The following NAV3 variants were observed in gnomAD, a reference collection of about 807,000 sequenced individuals.
NAV3 encodes the protein pore membrane and/or filament interacting like protein 1.
Under a neutral mutation model 244.7 loss-of-function variants are expected in NAV3, and 87 were observed. That is an observed-to-expected ratio of 0.36 (90% confidence interval 0.30 to 0.42). NAV3 has a LOEUF of 0.42. Among genes scored for constraint, NAV3 ranks in the 20% least tolerant of loss-of-function variants. NAV3 has a pLI of 1.00. For missense variants in NAV3, 2,663 were observed against 2,893.3 expected (o/e 0.92, Z 1.83); for synonymous variants, 1,126 against 1,042.2 (o/e 1.08, Z -1.55).
chr12:77,752,255 A>C (rs768670139), intron 2 of NAV3, among the ~76,000 whole-genome samples: 11 of 152,130 alleles, frequency 7.2e-5, no homozygotes, highest in Non-Finnish European at 1.3e-4. Context: ...TCTTTGGTGT[A>C]AAACATAAAA....
At chr12:77,930,484 A>G (rs914300152) in intron 1 of NAV3, among the ~76,000 whole-genome samples, 1 of 151,354 alleles carries the variant, frequency 6.6e-6, no homozygotes, top group Non-Finnish European at 1.5e-5. Context: ...ATCCATCCGT[A>G]TACAATTTTC....
intron 2 of NAV3, among the ~76,000 whole-genome samples, chr12:77,683,922 G>A (rs1337373371): frequency 6.6e-6 from 1 of 151,958 alleles, no homozygotes; most frequent in Non-Finnish European, 1.5e-5. Context: ...AATATTTTGG[G>A]GGACATATGT....
rs773469680 is a variant in NAV3, at chr12:78,177,671, C to T, written c.5349C>T (p.Tyr1783=). 6.3e-7 allele frequency: 1 copy of T among 1,597,274 alleles called. No individual in the cohort carries two copies. Among genetic ancestry groups the T allele is most frequent in the Non-Finnish European group, 8.5e-7 (1 of 1,179,178 alleles). Residue 1783 remains tyrosine (Y), a synonymous_variant, in exon 28 of 40, where the codon TAC becomes TAT. Coordinates refer to ENST00000397909, the MANE Select transcript of NAV3 (RefSeq NM_001024383.2). ...PKKRQNGPVI[Y]KHRSRICECT... Reference sequence around the variant, plus strand: ...AACGACAAAATGGCCCTGTGATCTACAAGCATAGATCTCGGTAAAGTGGAG... The same window carrying T: ...AACGACAAAATGGCCCTGTGATCTATAAGCATAGATCTCGGTAAAGTGGAG...
intron 38 of NAV3, 37 bp from the exon 39 acceptor site, chr12:78,204,898 A>G (rs2140084930): frequency 1.3e-6 from 2 of 1,594,142 alleles, no homozygotes; most frequent in Non-Finnish European, 1.7e-6. Context: ...ATAGAAATGC[A>G]TTTTATATAT....
chr12:77,816,276 A>G (rs181876255), intron 2 of NAV3, among the ~76,000 whole-genome samples: 27 of 152,312 alleles, frequency 1.8e-4, no homozygotes, highest in Admixed American at 5.9e-4. Flanking sequence ...AGATATGATC[A>G]ATGTGTAAAT....
At position 78,122,359 on chromosome 12, in the gene NAV3, C is replaced by A. The variant is rs773150543; in HGVS notation, c.4169C>A (p.Thr1390Asn). ...LSHHGSLSGL[T>N]TGTHEVQSLL... ...CATCATGGCTCCTTGTCTGGACTGACCACAGGCACTCACGAGGTCCAGAGC... is the reference window on the plus strand; with the variant it reads ...CATCATGGCTCCTTGTCTGGACTGAACACAGGCACTCACGAGGTCCAGAGC... The change falls in exon 16 of 40, where the codon ACC (threonine) becomes AAC (asparagine). Residue 1390 changes from threonine to asparagine, a missense_variant. Physicochemically the swap from Thr to Asn is moderately conservative, Grantham distance 65. Around this residue, in one of 6 missense-constraint regions of NAV3, gnomAD observed 354 missense variants for 413.0 expected, o/e 0.86. Coordinates refer to ENST00000397909, the MANE Select transcript of NAV3 (RefSeq NM_001024383.2). The A allele has an allele frequency of 5.0e-6, 8 of 1,613,982 alleles. No individual in the cohort carries two copies. The highest frequency in any genetic ancestry group is 5.9e-6 in the Non-Finnish European group (7 of 1,179,972).
chr12:78,138,021 A>G (rs2139026819), intron 19 of NAV3, among the ~76,000 whole-genome samples: 1 of 152,292 alleles, frequency 6.6e-6, no homozygotes, highest in South Asian at 2.1e-4. Context: ...CAAATTTAAC[A>G]ATAATTTGAG....
At chr12:77,869,125 C>G (rs764674314) in intron 1 of NAV3, among the ~76,000 whole-genome samples, 32 of 152,150 alleles carry the variant, frequency 2.1e-4, no homozygotes, top group African/African-American at 7.5e-4. Context: ...ATGGGGGAAA[C>G]AAGGTCAAAT....
At position 78,004,773 on chromosome 12, in the gene NAV3, G is replaced by A. The variant is rs914869933; in HGVS notation, c.881-1646G>A. 2.6e-5 allele frequency among the ~76,000 whole-genome samples: 4 copies of A among 152,222 alleles called. No individual in the cohort carries two copies. The East Asian group carries it at 7.7e-4, about 29-fold the overall frequency. On this transcript the variant is annotated intron_variant, in intron 7 of 39. Coordinates refer to ENST00000397909, the MANE Select transcript of NAV3 (RefSeq NM_001024383.2). ...TTAATGAAATCTGAAGCATCTCATT[G>A]CCTCTGTATAGGGACAGGCTGTGGA...
At chr12:77,870,444 G>C (rs1459788976) in intron 1 of NAV3, among the ~76,000 whole-genome samples, 1 of 151,788 alleles carries the variant, frequency 6.6e-6, no homozygotes, top group Non-Finnish European at 1.5e-5. Context: ...GGGACAAATT[G>C]GTATGCTTTA....
At position 78,143,950 on chromosome 12, in the gene NAV3, G is replaced by A. The variant is rs533937205; in HGVS notation, c.4684-2419G>A. 1.6e-4 allele frequency among the ~76,000 whole-genome samples: 24 copies of A among 152,154 alleles called. No individual in the cohort carries two copies. In the South Asian group the frequency reaches 5.0e-3, roughly 32 times the overall value. ...TTCATTGTGCTGTTGCTTTCCTCAT[G>A]GGAAAGAAATACCCTTTGCTATTTA... is the stretch of plus-strand genomic sequence containing the variant. On this transcript the variant is annotated intron_variant, in intron 20 of 39. Transcript: ENST00000397909.
chr12:77,876,462 CCTAA>C (rs1313451859), intron 1 of NAV3, among the ~76,000 whole-genome samples: 1 of 151,998 alleles, frequency 6.6e-6, no homozygotes, highest in Non-Finnish European at 1.5e-5. Context: ...TTGCTAGTTT[CCTAA>C]CTGATTTAAA....
chr12:77,717,654 A>AT (rs1876421875), intron 2 of NAV3, among the ~76,000 whole-genome samples: 1 of 151,910 alleles, frequency 6.6e-6, no homozygotes. Flanking sequence ...TTTTATTTTT[A>AT]TTTTTAAAGG....
intron 12 of NAV3, among the ~76,000 whole-genome samples, chr12:78,104,019 C>T (rs1954675175): frequency 6.6e-6 from 1 of 152,160 alleles, no homozygotes; most frequent in African/African-American, 2.4e-5. Flanking sequence ...AAAATAATAT[C>T]ACCTTAGTGA....
At chr12:77,897,484 A>G (rs915433695) in intron 1 of NAV3, among the ~76,000 whole-genome samples, 10 of 152,150 alleles carry the variant, frequency 6.6e-5, no homozygotes, top group Non-Finnish European at 1.3e-4. Flanking sequence ...TCCTATATCC[A>G]TGAACAAAGA....
intron 1 of NAV3, among the ~76,000 whole-genome samples, chr12:77,876,832 A>AT (rs763032674): frequency 6.6e-6 from 1 of 151,824 alleles, no homozygotes; most frequent in Admixed American, 6.6e-5. Context: ...CTTACTTTAA[A>AT]TTTTTTTCTG....
intron 3 of NAV3, among the ~76,000 whole-genome samples, chr12:77,952,492 A>G (rs1890995118): frequency 6.6e-6 from 1 of 152,066 alleles, no homozygotes; most frequent in African/African-American, 2.4e-5. Context: ...TGTCTTGATT[A>G]CTGTTTTGAT....
chr12:78,086,226 A>G (rs1235389083), intron 12 of NAV3, among the ~76,000 whole-genome samples: 1 of 152,126 alleles, frequency 6.6e-6, no homozygotes, highest in Non-Finnish European at 1.5e-5. Context: ...CCAAAATTGC[A>G]TAAAAGAAAA....
chr12:77,576,049 T>C (rs551501532), intron 2 of NAV3, among the ~76,000 whole-genome samples: 6 of 152,234 alleles, frequency 3.9e-5, no homozygotes, highest in African/African-American at 1.4e-4. Flanking sequence ...ATTTTACATA[T>C]TCAGTTTGCC....
Sources: allele counts gnomAD v4.1 joint callset (sites outside exome capture counted in the v4.1 genomes callset), GRCh38; gene constraint gnomAD v4.1.1; regional missense constraint gnomAD v4.1.1; transcripts MANE v1.5; gene names NCBI Gene and HGNC (gene_info 2026-07-23, HGNC 2026-07-21).